The following XAB2 variants were observed in gnomAD, a reference collection of about 807,000 sequenced individuals.
The protein encoded by XAB2 is XPA binding protein 2.
In XAB2, 57 loss-of-function variants were observed where a neutral mutation model predicts 113.4. That is an observed-to-expected ratio of 0.50 (90% CI 0.41 to 0.63). The LOEUF is 0.63. XAB2 is among the 20% of genes least tolerant of loss of function. XAB2 has a pLI of 0.00. For synonymous variants in XAB2, 497 were observed against 498.8 expected, an observed-to-expected ratio of 1.00 and a Z score of 0.05; for missense variants, 1,037 against 1,233.3, an observed-to-expected ratio of 0.84 and a Z score of 2.38.
intron 16 of XAB2, 62 bp downstream of exon 16, chr19:7,620,213 G>A: frequency 6.2e-7 from 1 of 1,606,088 alleles, no homozygotes; most frequent in Non-Finnish European, 8.5e-7. Context: ...GACCCGGAAA[G>A]CCCAGGTCAG....
rs770873229 is a variant in XAB2, at chr19:7,628,194, C to G, written c.156G>C (p.Arg52Ser). The G allele has an allele frequency of 2.5e-6, 4 of 1,614,048 alleles. No individual in the cohort carries two copies. In the East Asian group the frequency reaches 6.7e-5, roughly 27 times the overall value. The part of the protein sequence containing the change: ...IEFKQGAPKP[R>S]LNQLYERALK... ...GTGCCCGCTCGTATAGCTGATTGAG[C>G]CTGGGCTTCGGGGCGCCCTGTTTGA... The change falls in exon 2 of 19, where the codon AGG (arginine) becomes AGC (serine). Residue 52 changes from arginine to serine, a missense_variant. Coordinates refer to ENST00000358368, the MANE Select transcript of XAB2 (RefSeq NM_020196.3). This position sits in a 1 kb window ranked among gnomAD's most constrained non-coding sequence, Gnocchi z 4.6.
In XAB2 at chr19:7,627,204, G is replaced by GA; in HGVS notation, c.522+38dup. 3 of 1,603,718 alleles carry GA rather than the reference G, an allele frequency of 1.9e-6. No homozygotes were observed. The highest frequency in any genetic ancestry group is 2.5e-6 in the Non-Finnish European group (3 of 1,177,966). ...TAGTGTCACAGTGAGGCCGTTTCTG[G>GA]AAACTAACCTGGGGAACCAGCGCAC... is the stretch of plus-strand genomic sequence containing the variant. On this transcript the variant is annotated intron_variant, in intron 4 of 18. Coordinates refer to ENST00000358368, the MANE Select transcript of XAB2 (RefSeq NM_020196.3). The surrounding 1 kb of genome is among the most constrained non-coding windows in gnomAD (Gnocchi z 4.5).
Position 7,627,400 on chromosome 19 carries a change from T to A in XAB2, c.365A>T (p.Asp122Val). The change falls in exon 4 of 19, where the codon GAC becomes GTC. Residue 122 changes from aspartate (D) to valine (V), a missense_variant. Physicochemically the swap from Asp to Val is radical, Grantham distance 152. Transcript: ENST00000358368. The surrounding 1 kb of genome is among the most constrained non-coding windows in gnomAD (Gnocchi z 4.5). The part of the protein sequence containing the change: ...LWLDYCQFLM[D>V]QGRVTHTRRT... Reference sequence around the variant, plus strand: ...GCGGGTGTGTGTGACGCGCCCCTGGTCCATGAGGAACTGGCAGTAATCTAG... The same window carrying A: ...GCGGGTGTGTGTGACGCGCCCCTGGACCATGAGGAACTGGCAGTAATCTAG... The A allele has an allele frequency of 6.2e-7, 1 of 1,606,918 alleles. No individual in the cohort carries two copies. Among genetic ancestry groups the A allele is most frequent in the Non-Finnish European group, 8.5e-7 (1 of 1,177,712 alleles).
In XAB2 at chr19:7,627,679, C is replaced by T. The variant is rs1231102564; in HGVS notation, c.324+49G>A. ...CCCCTGTCCCCGCCCCACCCACCACCATGGACTGAGCTCCACTTCCCGATT... is the reference window on the plus strand; with the variant it reads ...CCCCTGTCCCCGCCCCACCCACCACTATGGACTGAGCTCCACTTCCCGATT... On this transcript the variant is annotated intron_variant, in intron 3 of 18. Coordinates refer to ENST00000358368, the MANE Select transcript of XAB2 (RefSeq NM_020196.3). The surrounding 1 kb of genome is among the most constrained non-coding windows in gnomAD (Gnocchi z 4.5). The T allele has an allele frequency of 1.2e-6, 2 of 1,608,214 alleles. No homozygotes were observed. The highest frequency in any genetic ancestry group is 1.7e-6 in the Non-Finnish European group (2 of 1,176,292).
rs760200366 is a variant in XAB2 at position 7,622,375 on chromosome 19, C to T, written c.1573G>A (p.Ala525Thr). The T allele has an allele frequency of 6.2e-7, 1 of 1,614,200 alleles. No individual in the cohort carries two copies. Among genetic ancestry groups the T allele is most frequent in the Admixed American group, 1.7e-5 (1 of 60,032 alleles). Residue 525 changes from alanine (A) to threonine (T), a missense_variant, in exon 12 of 19, where the codon GCC (alanine) becomes ACC (threonine). Physicochemically the swap from Ala to Thr is moderately conservative, Grantham distance 58. Coordinates refer to ENST00000358368, the MANE Select transcript of XAB2 (RefSeq NM_020196.3). Reference protein sequence around the residue: ...IATPQIVINYAMFLEEHKYFE... With the variant: ...IATPQIVINYTMFLEEHKYFE... Reference sequence around the variant, plus strand: ...TACTTGTGCTCCTCCAGGAACATGGCATAGTTGATGACGATCTGGGGTGTT... The same window carrying T: ...TACTTGTGCTCCTCCAGGAACATGGTATAGTTGATGACGATCTGGGGTGTT...
At position 7,623,023 on chromosome 19, in the gene XAB2, C is replaced by T. The variant is rs1201309123; in HGVS notation, c.1240-130G>A. 2.6e-6 allele frequency: 4 copies of T among 1,531,422 alleles called. No homozygotes were observed. In the Admixed American group the frequency reaches 5.7e-5, roughly 22 times the overall value. The allele number at this position is 1,531,422 out of a possible 1,614,324, so 94.9% of individuals were successfully genotyped here. On this transcript the variant is annotated intron_variant, in intron 9 of 18. Transcript: ENST00000358368. The surrounding 1 kb of genome is among the most constrained non-coding windows in gnomAD (Gnocchi z 4.6). ...ACACAGGCACACACACAGGCACACA[C>T]ATGCGTGCACATATGCATGCACCCA...
chr19:7,627,836 G>C lies in XAB2; in HGVS notation c.216C>G (p.Tyr72Ter). ...KLLPCSYKLW[Y>*]RYLKARRAQV... is the part of the protein sequence containing the mutation. ...GTGCCCGACGCGCCTTCAGGTATCG[G>C]TACCAGAGTTTGTAGCTGGGGAATA... The change falls in exon 3 of 19, where the codon TAC becomes TAG. Residue 72 changes from tyrosine (Y) to a stop codon, truncating the protein, a stop_gained. Transcript: ENST00000358368. LOFTEE classifies it high-confidence loss of function. This position sits in a 1 kb window ranked among gnomAD's most constrained non-coding sequence, Gnocchi z 4.5. 1 of 1,613,428 alleles carries C rather than the reference G, an allele frequency of 6.2e-7. No individual in the cohort carries two copies. Among genetic ancestry groups the C allele is most frequent in the Non-Finnish European group, 8.5e-7 (1 of 1,179,416 alleles).
At chr19:7,629,228 T>G (rs1045621675) in intron 1 of XAB2, among the ~76,000 whole-genome samples, 2 of 152,238 alleles carry the variant, frequency 1.3e-5, no homozygotes, top group African/African-American at 4.8e-5. Context: ...TTTCCGCCCC[T>G]GGTTCGGGAG....
intron 12 of XAB2, 56 bp downstream of exon 12, chr19:7,622,275 C>T (rs1354006859): frequency 6.4e-7 from 1 of 1,554,310 alleles, no homozygotes; most frequent in South Asian, 1.1e-5. Flanking sequence ...TTGCTGAGGA[C>T]CCCTGGGGAG....
chr19:7,620,076 CT>C lies in XAB2; in HGVS notation c.2267-2del, dbSNP rs1249357305. On this transcript the variant is annotated splice_acceptor_variant, in intron 16 of 18. Coordinates refer to ENST00000358368, the MANE Select transcript of XAB2 (RefSeq NM_020196.3). LOFTEE classifies it high-confidence loss of function. Reference sequence around the variant, plus strand: ...CTCTGCCCAGGGGCCAGGTCAGACACTAGGGGGTGGGAGCAGGGGGTCAGCG... The same window carrying C: ...CTCTGCCCAGGGGCCAGGTCAGACACAGGGGGTGGGAGCAGGGGGTCAGCG... The C allele has an allele frequency of 6.2e-7, 1 of 1,611,290 alleles. No homozygotes were observed. Among genetic ancestry groups the C allele is most frequent in the South Asian group, 1.1e-5 (1 of 91,072 alleles).
Position 7,625,953 on chromosome 19 carries a change from C to A in XAB2, c.749G>T (p.Arg250Leu). 2.5e-6 allele frequency: 4 copies of A among 1,613,760 alleles called. No individual in the cohort carries two copies. The highest frequency in any genetic ancestry group is 3.4e-6 in the Non-Finnish European group (4 of 1,179,838). Residue 250 changes from arginine to leucine, a missense_variant, in exon 6 of 19, where the codon CGC becomes CTC. By Grantham distance (102) the Arg-to-Leu change is moderately radical (BLOSUM62 -2). Transcript: ENST00000358368. This position sits in a 1 kb window ranked among gnomAD's most constrained non-coding sequence, Gnocchi z 5.2. ...VDAIIRGGLTRFTDQLGKLWC... is the reference protein window; with the variant it reads ...VDAIIRGGLTLFTDQLGKLWC... ...GAGCTTGCCCAGCTGGTCGGTGAAG[C>A]GGGTGAGGCCCCCGCGGATGATGGC... is the stretch of plus-strand genomic sequence containing the variant.
chr19:7,621,251 T>A lies in XAB2; in HGVS notation c.1664A>T (p.Asp555Val). ...TTTGGTCAGGTAGGTGCTCCAGATG[T>A]CGGACACGTTGGGCCACTTGAACAG... ...ISLFKWPNVS[D>V]IWSTYLTKFI... Residue 555 changes from aspartate to valine, a missense_variant, in exon 13 of 19, where the codon GAC (aspartate) becomes GTC (valine). Transcript: ENST00000358368. 1.2e-6 allele frequency: 2 copies of A among 1,613,138 alleles called. No homozygotes were observed. Among genetic ancestry groups the A allele is most frequent in the Non-Finnish European group, 1.7e-6 (2 of 1,179,986 alleles).
chr19:7,624,918 C>T lies in XAB2; in HGVS notation c.823-473G>A, dbSNP rs889884118. Among the ~76,000 whole-genome samples, 1 of 152,198 alleles carries T rather than the reference C, an allele frequency of 6.6e-6. No homozygotes were observed. The highest frequency in any genetic ancestry group is 2.4e-5 in the African/African-American group (1 of 41,460). ...GCTCGCCCACCCCAGCTCAGGTCCC[C>T]TCTCTCTACCCAGCCCTGACGGGTC... On this transcript the variant is annotated intron_variant, in intron 6 of 18. Transcript: ENST00000358368. The surrounding 1 kb of genome is among the most constrained non-coding windows in gnomAD (Gnocchi z 4.2).
At position 7,627,868 on chromosome 19, in the gene XAB2, G is replaced by A. The variant is rs1403335152; in HGVS notation, c.201-17C>T. ...AGTTTGTAGCTGGGGAATAGGAGGG[G>A]ACAGATGCTGATCGGTCAGCTTTAT... On this transcript the variant is annotated splice_polypyrimidine_tract_variant and intron_variant, in intron 2 of 18. Transcript: ENST00000358368. The surrounding 1 kb of genome is among the most constrained non-coding windows in gnomAD (Gnocchi z 4.5). The A allele has an allele frequency of 6.2e-7, 1 of 1,607,676 alleles. No homozygotes were observed. Among genetic ancestry groups the A allele is most frequent in the South Asian group, 1.1e-5 (1 of 90,960 alleles).
In XAB2 at chr19:7,625,542, G is replaced by A. The variant is rs1309938854; in HGVS notation, c.822+338C>T. On this transcript the variant is annotated intron_variant, in intron 6 of 18. Transcript: ENST00000358368. The surrounding 1 kb of genome is among the most constrained non-coding windows in gnomAD (Gnocchi z 5.2). ...CACCCAGGCTGGACTTCCGTGGCGC[G>A]ATCGCAGCTCACGGCAACCTCCACC... 2.1e-5 allele frequency among the ~76,000 whole-genome samples: 3 copies of A among 145,612 alleles called. No individual in the cohort carries two copies. The highest frequency in any genetic ancestry group is 4.1e-4 in the East Asian group (2 of 4,864).
intron 13 of XAB2, 49 bp downstream of exon 13, chr19:7,621,086 A>G: frequency 6.5e-7 from 1 of 1,540,244 alleles, no homozygotes; most frequent in Non-Finnish European, 8.8e-7. Flanking sequence ...GGGGCCAGTC[A>G]GAAACCCAGC....
At position 7,620,218 on chromosome 19, in the gene XAB2, G is replaced by C. The variant is rs1485891315; in HGVS notation, c.2266+57C>G. Reference sequence around the variant, plus strand: ...GAGGCTCCCAGACCCGGAAAGCCCAGGTCAGGCCGGGCTGAGATGCCCTGG... The same window carrying C: ...GAGGCTCCCAGACCCGGAAAGCCCACGTCAGGCCGGGCTGAGATGCCCTGG... On this transcript the variant is annotated intron_variant, in intron 16 of 18. Coordinates refer to ENST00000358368, the MANE Select transcript of XAB2 (RefSeq NM_020196.3). 2.5e-6 allele frequency: 4 copies of C among 1,607,734 alleles called. No homozygotes were observed. The African/African-American group carries it at 4.0e-5, about 16-fold the overall frequency.
chr19:7,624,157 C>G lies in XAB2; in HGVS notation c.967+144G>C. ...CCATTCCTGGCTCCTTCAAGACCCC[C>G]ACACCCCCTGCATCCACTCAGCCTC... On this transcript the variant is annotated intron_variant, in intron 7 of 18. Coordinates refer to ENST00000358368, the MANE Select transcript of XAB2 (RefSeq NM_020196.3). The surrounding 1 kb of genome is among the most constrained non-coding windows in gnomAD (Gnocchi z 4.2). 7.3e-7 allele frequency: 1 copy of G among 1,377,414 alleles called. No individual in the cohort carries two copies. The highest frequency in any genetic ancestry group is 9.9e-7 in the Non-Finnish European group (1 of 1,007,378). 85.3% of individuals were successfully genotyped at this position (1,377,414 alleles called of 1,614,324 possible). A position where few individuals can be genotyped will look rare whatever the true frequency, so the allele number is the denominator to read the frequency against.
Position 7,627,900 on chromosome 19 carries a change from C to A in XAB2, c.201-49G>T. ...GCTGATCGGTCAGCTTTATGGACAC[C>A]CCCAGAACCATTTGCCCTGCCCCAG... On this transcript the variant is annotated intron_variant, in intron 2 of 18. Coordinates refer to ENST00000358368, the MANE Select transcript of XAB2 (RefSeq NM_020196.3). This position sits in a 1 kb window ranked among gnomAD's most constrained non-coding sequence, Gnocchi z 4.5. 6.3e-7 allele frequency: 1 copy of A among 1,588,506 alleles called. No individual in the cohort carries two copies. The highest frequency in any genetic ancestry group is 8.6e-7 in the Non-Finnish European group (1 of 1,162,444).
Sources: gnomAD v4.1 joint callset for allele counts (sites outside exome capture counted in the v4.1 genomes callset) on GRCh38, gnomAD v4.1.1 for gene constraint, Gnocchi (gnomAD v3.1) non-coding constraint, MANE v1.5 for transcripts, NCBI Gene and HGNC (gene_info 2026-07-23, HGNC 2026-07-21) for gene names.